The following NCKAP5 variants were observed in gnomAD, a reference collection of about 807,000 sequenced individuals.
NCKAP5 encodes NCK associated protein 5, also known as nck-associated protein 5.
Under a neutral mutation model 167.0 loss-of-function variants are expected in NCKAP5, and 92 were observed. That is an observed-to-expected ratio of 0.55 (90% confidence interval 0.47 to 0.66). The LOEUF (loss-of-function observed/expected upper bound fraction) is 0.66. Ranked by LOEUF, NCKAP5 falls within the 30% of genes least tolerant of loss-of-function variation. The pLI is 0.00. For missense variants in NCKAP5, 2,378 were observed against 2,315.0 expected (o/e 1.03, Z -0.56); for synonymous variants, 891 against 877.4 (o/e 1.02, Z -0.27).
intron 6 of NCKAP5, among the ~76,000 whole-genome samples, chr2:133,040,616 C>T (rs1344957328): frequency 6.6e-6 from 1 of 152,116 alleles, no homozygotes; most frequent in Non-Finnish European, 1.5e-5. Context: ...CTATTTACAT[C>T]AACCAGTGTG....
chr2:133,385,335 A>C (rs756653824), intron 3 of NCKAP5, among the ~76,000 whole-genome samples: 2 of 152,110 alleles, frequency 1.3e-5, no homozygotes, highest in Non-Finnish European at 2.9e-5. Context: ...TTCTGTTTAT[A>C]TGTTGGATTA....
chr2:132,817,467 T>C (rs959084765), intron 11 of NCKAP5, among the ~76,000 whole-genome samples: 3 of 152,190 alleles, frequency 2.0e-5, no homozygotes, highest in African/African-American at 7.2e-5. Flanking sequence ...TTCCTGGTTT[T>C]AAATCTCATT....
chr2:133,417,451 C>T (rs538893277), intron 3 of NCKAP5, among the ~76,000 whole-genome samples: 1 of 152,342 alleles, frequency 6.6e-6, no homozygotes, highest in Admixed American at 6.5e-5. Context: ...GTTTATTTTG[C>T]GAGCACAGTG....
intron 10 of NCKAP5, among the ~76,000 whole-genome samples, chr2:132,867,245 A>G (rs907545645): frequency 6.6e-6 from 1 of 152,144 alleles, no homozygotes; most frequent in Non-Finnish European, 1.5e-5. Context: ...CAACAGTTGT[A>G]CACAGAGCTG....
At chr2:133,596,608 A>G in the NCKAP5 span, among the ~76,000 whole-genome samples, 1 of 152,234 alleles carries the variant, frequency 6.6e-6, no homozygotes, top group African/African-American at 2.4e-5. Flanking sequence ...GGTCGCCAGC[A>G]TGAATGAGCG....
At chr2:133,060,193 G>A (rs2079950373) in intron 6 of NCKAP5, among the ~76,000 whole-genome samples, 1 of 152,134 alleles carries the variant, frequency 6.6e-6, no homozygotes, top group South Asian at 2.1e-4. Flanking sequence ...ACATTTAATA[G>A]CATATTTTTT....
At chr2:133,624,109 A>G in the NCKAP5 span, among the ~76,000 whole-genome samples, 1 of 151,958 alleles carries the variant, frequency 6.6e-6, no homozygotes, top group Non-Finnish European at 1.5e-5. Context: ...AGAATGATAC[A>G]TCGGATTTTG....
intron 6 of NCKAP5, among the ~76,000 whole-genome samples, chr2:133,082,996 A>C (rs890414720): frequency 1.3e-5 from 2 of 152,168 alleles, no homozygotes; most frequent in Non-Finnish European, 2.9e-5. Context: ...GATGAGAATC[A>C]GGAGAGATGC....
intron 3 of NCKAP5, among the ~76,000 whole-genome samples, chr2:133,363,008 C>A: frequency 6.6e-6 from 1 of 152,060 alleles, no homozygotes; most frequent in African/African-American, 2.4e-5. Context: ...CCCTGTGATC[C>A]GCCCGCCTCG....
At chr2:133,274,658 A>G (rs1292208020) in intron 4 of NCKAP5, among the ~76,000 whole-genome samples, 1 of 152,010 alleles carries the variant, frequency 6.6e-6, no homozygotes, top group Non-Finnish European at 1.5e-5. Context: ...ATTGGAATAG[A>G]AAGAGACCCT....
intron 7 of NCKAP5, among the ~76,000 whole-genome samples, chr2:132,985,455 GT>G (rs2077261795): frequency 1.3e-5 from 2 of 152,130 alleles, no homozygotes; most frequent in Non-Finnish European, 2.9e-5. Flanking sequence ...AAATGAAACT[GT>G]TTTGAAAACT....
chr2:133,464,518 T>A (rs1250320390), intron 3 of NCKAP5, among the ~76,000 whole-genome samples: 1 of 151,874 alleles, frequency 6.6e-6, no homozygotes, highest in Non-Finnish European at 1.5e-5. Context: ...TGAAACCCAG[T>A]CTCTACTAAA....
intron 6 of NCKAP5, among the ~76,000 whole-genome samples, chr2:133,070,159 C>A (rs761079444): frequency 6.6e-6 from 1 of 152,152 alleles, no homozygotes; most frequent in African/African-American, 2.4e-5. Context: ...GAGTTTATGA[C>A]TTCCTTTTTG....
At chr2:133,318,316 C>T (rs1482049627) in intron 3 of NCKAP5, among the ~76,000 whole-genome samples, 1 of 152,300 alleles carries the variant, frequency 6.6e-6, no homozygotes, top group Admixed American at 6.5e-5. Context: ...AATAAAGAGA[C>T]TGTCGTTAAA....
intron 8 of NCKAP5, among the ~76,000 whole-genome samples, chr2:132,950,776 C>T (rs6752866): frequency 0.29 from 44,786 of 151,950 alleles, 8,449 homozygotes; most frequent in African/African-American, 0.5. Context: ...CTCCCCCAAG[C>T]TACTACACTG....
intron 8 of NCKAP5, among the ~76,000 whole-genome samples, chr2:132,896,335 CA>C (rs1362923991): frequency 2.6e-5 from 4 of 152,206 alleles, no homozygotes; most frequent in Admixed American, 1.3e-4. Context: ...AACTGGCAAG[CA>C]GCAACGTTTG....
At chr2:133,526,206 A>G (rs1558755194) in intron 2 of NCKAP5, among the ~76,000 whole-genome samples, 1 of 135,456 alleles carries the variant, frequency 7.4e-6, no homozygotes, top group African/African-American at 3.0e-5. Flanking sequence ...GAAGGAAGGA[A>G]GGAAGGAAGG....
the NCKAP5 span, among the ~76,000 whole-genome samples, chr2:133,616,137 G>A: frequency 6.6e-6 from 1 of 151,844 alleles, no homozygotes; most frequent in African/African-American, 2.4e-5. Context: ...GAATCCCTGG[G>A]ACGCATTCAA....
chr2:132,720,650 T>C (rs1005196435), intron 19 of NCKAP5, among the ~76,000 whole-genome samples: 1 of 152,116 alleles, frequency 6.6e-6, no homozygotes, highest in South Asian at 2.1e-4. Context: ...GCAGCCTCTG[T>C]AAGCTTCCTA....
Sources: gnomAD v4.1 joint callset for allele counts (sites outside exome capture counted in the v4.1 genomes callset) on GRCh38, gnomAD v4.1.1 for gene constraint, MANE v1.5 for transcripts, NCBI Gene and HGNC (gene_info 2026-07-23, HGNC 2026-07-21) for gene names.